The following RPSA2 variants were observed in gnomAD, a reference collection of about 807,000 sequenced individuals.
The protein encoded by RPSA2 is small ribosomal subunit protein uS2B.
the RPSA2 span, among the ~76,000 whole-genome samples, chr19:23,863,992 G>A: frequency 6.6e-6 from 1 of 152,164 alleles, no homozygotes; most frequent in Admixed American, 6.5e-5. Flanking sequence ...AAGAAAAGGA[G>A]CAAAATCAAT....
chr19:23,771,696 G>C, the RPSA2 span, among the ~76,000 whole-genome samples: 1 of 152,142 alleles, frequency 6.6e-6, no homozygotes, highest in Non-Finnish European at 1.5e-5. Context: ...ATGTCCAGGT[G>C]ATGTGACTTT....
At chr19:23,859,494 G>T in the RPSA2 span, among the ~76,000 whole-genome samples, 1 of 152,070 alleles carries the variant, frequency 6.6e-6, no homozygotes, top group Non-Finnish European at 1.5e-5. Flanking sequence ...CAGCGTGGTG[G>T]CACATGCCTG....
the RPSA2 span, among the ~76,000 whole-genome samples, chr19:23,865,167 G>A: frequency 6.6e-6 from 1 of 152,220 alleles, no homozygotes; most frequent in African/African-American, 2.4e-5. Flanking sequence ...TATGCTGGCA[G>A]TGGATATAAG....
At chr19:23,808,671 A>G in the RPSA2 span, 1 of 526,238 alleles carries the variant, frequency 1.9e-6, no homozygotes, top group Non-Finnish European at 3.6e-6. Context: ...TAAGTTGGTA[A>G]TTGGAGAATA....
At chr19:23,761,921 T>TCTCTCTCTCTCTC in the RPSA2 span, among the ~76,000 whole-genome samples, 16 of 76,138 alleles carry the variant, frequency 2.1e-4, 3 homozygotes, top group East Asian at 3.8e-4. Context: ...TCTTTCTTTC[T>TCTCTCTCTCTCTC]TTTTTTTTTT....
chr19:23,769,035 G>A, the RPSA2 span, among the ~76,000 whole-genome samples: 1 of 152,152 alleles, frequency 6.6e-6, no homozygotes, highest in Non-Finnish European at 1.5e-5. Flanking sequence ...ACTTATTCCT[G>A]AGTTTAGCAT....
chr19:23,827,770 C>T, the RPSA2 span: 16 of 1,586,386 alleles, frequency 1.0e-5, no homozygotes, highest in African/African-American at 6.7e-5. Context: ...ATCTGTACTT[C>T]TACAGAGATC....
At chr19:23,793,399 T>A in the RPSA2 span, among the ~76,000 whole-genome samples, 180 of 151,670 alleles carry the variant, frequency 1.2e-3, no homozygotes, top group African/African-American at 3.8e-3. Context: ...TTGCTCTTGT[T>A]TTATTTGTAT....
At chr19:23,831,500 A>T in the RPSA2 span, 1 of 153,012 alleles carries the variant, frequency 6.5e-6, no homozygotes, top group East Asian at 1.9e-4. Context: ...CCTCTTGTTT[A>T]TGTATTTGGT....
chr19:23,810,432 T>C, the RPSA2 span, among the ~76,000 whole-genome samples: 2 of 16,094 alleles, frequency 1.2e-4, 1 homozygote, highest in African/African-American at 2.7e-4. Context: ...GGAAAAGGGC[T>C]TGGATAGTTG....
chr19:23,792,888 G>A, the RPSA2 span, among the ~76,000 whole-genome samples: 1 of 152,152 alleles, frequency 6.6e-6, no homozygotes, highest in Non-Finnish European at 1.5e-5. Flanking sequence ...GATTAGAAAG[G>A]AGGTTGGAGG....
the RPSA2 span, among the ~76,000 whole-genome samples, chr19:23,858,328 C>T: frequency 6.6e-6 from 1 of 151,682 alleles, no homozygotes; most frequent in African/African-American, 2.4e-5. Flanking sequence ...TGATGGATAC[C>T]CTAAAAGCCC....
the RPSA2 span, chr19:23,758,781 C>T: frequency 6.2e-7 from 1 of 1,614,128 alleles, no homozygotes; most frequent in Non-Finnish European, 8.5e-7. Flanking sequence ...GGCGTCTTAG[C>T]TATGGATCGC....
chr19:23,765,155 T>G, the RPSA2 span, among the ~76,000 whole-genome samples: 1 of 152,200 alleles, frequency 6.6e-6, no homozygotes, highest in African/African-American at 2.4e-5. Flanking sequence ...AAATTAAAAT[T>G]ATTTTTTCAC....
chr19:23,851,747 C>T, the RPSA2 span, among the ~76,000 whole-genome samples: 7 of 152,196 alleles, frequency 4.6e-5, no homozygotes, highest in African/African-American at 1.7e-4. Flanking sequence ...TCAGTGAACG[C>T]TGTAACGGCC....
At chr19:23,805,078 G>A in the RPSA2 span, among the ~76,000 whole-genome samples, 1 of 65,462 alleles carries the variant, frequency 1.5e-5, no homozygotes, top group African/African-American at 6.0e-5. Context: ...AATTGCTAGT[G>A]TCTGTAGCAG....
At chr19:23,856,244 T>C in the RPSA2 span, among the ~76,000 whole-genome samples, 2 of 152,080 alleles carry the variant, frequency 1.3e-5, no homozygotes, top group African/African-American at 2.4e-5. Context: ...CCCCAAACGG[T>C]GACAGGAACA....
the RPSA2 span, among the ~76,000 whole-genome samples, chr19:23,783,356 C>T: frequency 6.6e-6 from 1 of 152,004 alleles, no homozygotes; most frequent in African/African-American, 2.4e-5. Context: ...TAGCCTCCCA[C>T]AGTGCTGAGC....
chr19:23,776,284 A>G, the RPSA2 span, among the ~76,000 whole-genome samples: 1 of 152,170 alleles, frequency 6.6e-6, no homozygotes, highest in African/African-American at 2.4e-5. Context: ...ATATCGCTGG[A>G]CCAGAAACTA....
Sources: gnomAD v4.1 joint callset for allele counts (sites outside exome capture counted in the v4.1 genomes callset) on GRCh38, gnomAD v4.1.1 for gene constraint, MANE v1.5 for transcripts, NCBI Gene and HGNC (gene_info 2026-07-23, HGNC 2026-07-21) for gene names.